PKP4: variants seen among roughly 807,000 people sequenced by gnomAD.
The protein encoded by PKP4 is plakophilin-4.
Under a neutral mutation model 145.1 loss-of-function variants are expected in PKP4, and 90 were observed. That is an observed-to-expected ratio of 0.62 (90% confidence interval 0.52 to 0.74). The LOEUF (loss-of-function observed/expected upper bound fraction) is 0.74. Among genes scored for constraint, PKP4 ranks in the 30% least tolerant of loss-of-function variants. PKP4 has a pLI of 0.00. For synonymous variants in PKP4, 563 were observed against 577.2 expected, an observed-to-expected ratio of 0.98 and a Z score of 0.35; for missense variants, 1,340 against 1,482.7, an observed-to-expected ratio of 0.90 and a Z score of 1.58.
intron 3 of PKP4, among the ~76,000 whole-genome samples, chr2:158,585,907 C>T (rs1280136456): frequency 9.6e-6 from 1 of 103,810 alleles, no homozygotes; most frequent in Admixed American, 9.3e-5. Context: ...AAAAAAAAAA[C>T]CCTCTAGCCT....
intron 7 of PKP4, among the ~76,000 whole-genome samples, chr2:158,629,717 CT>C (rs11348839): frequency 0.82 from 123,345 of 150,378 alleles, 52,038 homozygotes; most frequent in East Asian, 0.97. Context: ...TGGGAGCAAT[CT>C]TTTTTTTTTT....
intron 2 of PKP4, among the ~76,000 whole-genome samples, chr2:158,535,605 G>T (rs986832945): frequency 1.3e-5 from 2 of 152,056 alleles, no homozygotes; most frequent in African/African-American, 2.4e-5. Flanking sequence ...TTTTTGTAGA[G>T]ATGGGGGTCT....
At chr2:158,495,896 A>G (rs1237298336) in intron 1 of PKP4, among the ~76,000 whole-genome samples, 1 of 151,774 alleles carries the variant, frequency 6.6e-6, no homozygotes, top group East Asian at 1.9e-4. Context: ...GTATATATGT[A>G]TATATTTTTA....
chr2:158,601,411 A>G (rs1397377165), intron 3 of PKP4, among the ~76,000 whole-genome samples: 2 of 152,206 alleles, frequency 1.3e-5, no homozygotes, highest in South Asian at 2.1e-4. Flanking sequence ...TACCAATCTC[A>G]GTGCTTAGAA....
chr2:158,566,487 T>C (rs533716109), intron 2 of PKP4, among the ~76,000 whole-genome samples: 1 of 152,214 alleles, frequency 6.6e-6, no homozygotes, highest in Admixed American at 6.5e-5. Context: ...GAAATATATA[T>C]ATATAAAACC....
At chr2:158,674,129 T>A in intron 19 of PKP4, 129 bp downstream of exon 19, 2 of 735,118 alleles carry the variant, frequency 2.7e-6, no homozygotes, top group Admixed American at 3.7e-5. Context: ...GCAGAGAACC[T>A]TCTGTAGGAA....
chr2:158,539,958 A>T (rs1308004775), intron 2 of PKP4, among the ~76,000 whole-genome samples: 1 of 152,170 alleles, frequency 6.6e-6, no homozygotes, highest in East Asian at 1.9e-4. Flanking sequence ...GTGATTAAAG[A>T]ATACTACAGA....
intron 4 of PKP4, among the ~76,000 whole-genome samples, chr2:158,620,390 C>T (rs1374209089): frequency 1.3e-5 from 2 of 151,692 alleles, no homozygotes; most frequent in African/African-American, 4.8e-5. Context: ...ATGAGTTTGG[C>T]TGGAAGAAAC....
chr2:158,487,895 G>A (rs1694402968), intron 1 of PKP4, among the ~76,000 whole-genome samples: 1 of 152,196 alleles, frequency 6.6e-6, no homozygotes, highest in South Asian at 2.1e-4. Context: ...AATAAATATA[G>A]TCTTGAAATA....
intron 11 of PKP4, 112 bp from the exon 12 acceptor site, chr2:158,658,019 T>C: frequency 1.5e-6 from 1 of 681,330 alleles, no homozygotes; most frequent in South Asian, 1.8e-5. Flanking sequence ...ATATAGGCCA[T>C]AGATTAGGTT....
chr2:158,531,417 G>C (rs2043532764), intron 1 of PKP4, among the ~76,000 whole-genome samples: 1 of 152,066 alleles, frequency 6.6e-6, no homozygotes, highest in South Asian at 2.1e-4. Flanking sequence ...TTATTTTAAG[G>C]TGTGTAATTT....
chr2:158,596,495 C>A (rs3771640), intron 3 of PKP4, among the ~76,000 whole-genome samples: 2 of 151,838 alleles, frequency 1.3e-5, no homozygotes, highest in African/African-American at 4.8e-5. Context: ...TTAATATACA[C>A]CTGATTCATG....
Position 158,525,683 on chromosome 2 carries a change from A to G in PKP4, c.-5-7497A>G, listed in dbSNP as rs1313224563. 2.1e-3 allele frequency among the ~76,000 whole-genome samples: 278 copies of G among 132,682 alleles called. 2 individuals carry two copies. The highest frequency in any genetic ancestry group is 6.4e-3 in the African/African-American group (220 of 34,482). 87.0% of individuals were successfully genotyped at this position (132,682 alleles called of 152,430 possible). A position where few individuals can be genotyped will look rare whatever the true frequency, so the allele number is the denominator to read the frequency against. Reference sequence around the variant, plus strand: ...ACACAGAAAACCCTTCAAAAAATCAATGAATCCAGGAGCTGGTTTTTTGAA... The same window carrying G: ...ACACAGAAAACCCTTCAAAAAATCAGTGAATCCAGGAGCTGGTTTTTTGAA... On this transcript the variant is annotated intron_variant, in intron 1 of 21. Coordinates refer to ENST00000389759, the MANE Select transcript of PKP4 (RefSeq NM_003628.6).
In PKP4 at chr2:158,626,553, T is replaced by G. The variant is rs576489452; in HGVS notation, c.1153+1126T>G. Among the ~76,000 whole-genome samples the G allele has an allele frequency of 2.0e-5, 3 of 152,200 alleles. No homozygotes were observed. In the South Asian group the frequency reaches 6.2e-4, roughly 32 times the overall value. ...GAATTGCTGCATCAAAATATATGTG[T>G]ATTTTTACTTTGAGAGATATTACGT... On this transcript the variant is annotated intron_variant, in intron 7 of 21. Transcript: ENST00000389759.
chr2:158,475,555 T>C (rs535954427), intron 1 of PKP4, among the ~76,000 whole-genome samples: 1 of 152,366 alleles, frequency 6.6e-6, no homozygotes, highest in East Asian at 1.9e-4. Context: ...TGCAATATTC[T>C]AGAATTTTTA....
At chr2:158,613,557 G>T (rs1351096328) in intron 4 of PKP4, among the ~76,000 whole-genome samples, 1 of 152,126 alleles carries the variant, frequency 6.6e-6, no homozygotes, top group Admixed American at 6.5e-5. Context: ...GAATCTCTGA[G>T]TGTGGGACTT....
intron 11 of PKP4, among the ~76,000 whole-genome samples, chr2:158,643,800 C>G (rs1574932214): frequency 6.6e-6 from 1 of 151,902 alleles, no homozygotes; most frequent in Non-Finnish European, 1.5e-5. Context: ...GAGTCTTGCT[C>G]TGTCACCCAG....
chr2:158,635,159 A>G (rs1302113456), intron 9 of PKP4, among the ~76,000 whole-genome samples: 1 of 152,184 alleles, frequency 6.6e-6, no homozygotes, highest in Non-Finnish European at 1.5e-5. Context: ...TTAGCAGCCT[A>G]CCAACTTGTT....
intron 2 of PKP4, among the ~76,000 whole-genome samples, chr2:158,567,609 G>A (rs557633251): frequency 6.6e-6 from 1 of 152,326 alleles, no homozygotes; most frequent in African/African-American, 2.4e-5. Flanking sequence ...TGATTATGTG[G>A]AGTTCATGAA....
Sources: allele counts gnomAD v4.1 joint callset (sites outside exome capture counted in the v4.1 genomes callset), GRCh38; gene constraint gnomAD v4.1.1; transcripts MANE v1.5; gene names NCBI Gene and HGNC (gene_info 2026-07-23, HGNC 2026-07-21).